BACH2: variants seen among roughly 807,000 people sequenced by gnomAD.
BACH2 encodes the protein transcription regulator protein BACH2.
In BACH2, 5 loss-of-function variants were observed where a neutral mutation model predicts 61.8. That is an observed-to-expected ratio of 0.08 (90% confidence interval 0.04 to 0.17). The LOEUF (loss-of-function observed/expected upper bound fraction) is 0.17, where lower values mean the gene tolerates loss of function less well. Among genes scored for constraint, BACH2 ranks in the 10% least tolerant of loss-of-function variants. The pLI is 1.00. For missense variants in BACH2, 824 were observed against 1,091.1 expected (o/e 0.76, Z 3.45); for synonymous variants, 446 against 440.1 (o/e 1.01, Z -0.17).
At chr6:90,092,717 A>T (rs1451366626) in intron 4 of BACH2, among the ~76,000 whole-genome samples, 1 of 152,194 alleles carries the variant, frequency 6.6e-6, no homozygotes, top group Non-Finnish European at 1.5e-5. Context: ...AAGATGTAAC[A>T]AAAAAAGTAC....
Position 90,029,858 on chromosome 6 carries a change from G to A in BACH2, c.-12-21002C>T, listed in dbSNP as rs534788917. On this transcript the variant is annotated intron_variant, in intron 5 of 8. Coordinates refer to ENST00000257749, the MANE Select transcript of BACH2 (RefSeq NM_021813.4). ...AAACTTACTCCATTCTAAGCAATGC[G>A]ACCGTTAGAGAAAACTAATGATATA... 3.1e-4 allele frequency among the ~76,000 whole-genome samples: 47 copies of A among 152,176 alleles called. No individual in the cohort carries two copies. The South Asian group carries it at 4.2e-3, about 13-fold the overall frequency.
chr6:90,052,953 C>T (rs1443678953), intron 5 of BACH2, among the ~76,000 whole-genome samples: 2 of 151,984 alleles, frequency 1.3e-5, no homozygotes, highest in African/African-American at 4.8e-5. Context: ...ATATTATTTT[C>T]TATTTGTCCT....
At chr6:90,115,731 A>G (rs1783370750) in intron 4 of BACH2, among the ~76,000 whole-genome samples, 1 of 152,144 alleles carries the variant, frequency 6.6e-6, no homozygotes, top group African/African-American at 2.4e-5. Flanking sequence ...GAGTAAACAG[A>G]TAACTTACAG....
At chr6:89,998,692 CTTTTT>C (rs540354097) in intron 6 of BACH2, among the ~76,000 whole-genome samples, 2 of 146,392 alleles carry the variant, frequency 1.4e-5, no homozygotes, top group Non-Finnish European at 3.0e-5. Flanking sequence ...TCTTTTTTCC[CTTTTT>C]TTTTTTAACT....
At chr6:89,933,778 GAGTTT>G (rs1772833122) in intron 8 of BACH2, among the ~76,000 whole-genome samples, 1 of 152,078 alleles carries the variant, frequency 6.6e-6, no homozygotes, top group Non-Finnish European at 1.5e-5. Flanking sequence ...TTGAGCTCAG[GAGTTT>G]GAGACCAGCT....
intron 1 of BACH2, among the ~76,000 whole-genome samples, chr6:90,296,250 T>G (rs539633981): frequency 1.3e-5 from 2 of 151,944 alleles, no homozygotes; most frequent in South Asian, 2.1e-4. Flanking sequence ...AGAGCACACA[T>G]TCGGCGCGGC....
intron 4 of BACH2, among the ~76,000 whole-genome samples, chr6:90,119,141 A>G (rs946293389): frequency 5.3e-5 from 8 of 152,250 alleles, no homozygotes; most frequent in African/African-American, 1.7e-4. Context: ...GCAAGTCTTT[A>G]GGTGGCACTT....
intron 7 of BACH2, among the ~76,000 whole-genome samples, chr6:89,939,411 C>G (rs568144296): frequency 6.6e-6 from 1 of 152,328 alleles, no homozygotes; most frequent in East Asian, 1.9e-4. Context: ...CTCACATTCA[C>G]ATTTCTCATA....
At chr6:89,980,967 G>C (rs1036563733) in intron 6 of BACH2, among the ~76,000 whole-genome samples, 1 of 151,522 alleles carries the variant, frequency 6.6e-6, no homozygotes, top group Non-Finnish European at 1.5e-5. Context: ...TAACCACAAA[G>C]AGACGTTTGA....
intron 4 of BACH2, among the ~76,000 whole-genome samples, chr6:90,166,642 T>C (rs370966065): frequency 1.3e-5 from 2 of 152,036 alleles, no homozygotes; most frequent in African/African-American, 2.4e-5. Context: ...ATAGCAAAGA[T>C]TTGGAACCAA....
rs1400230809 is a variant in BACH2 at position 89,929,429 on chromosome 6, C to T, written c.*2979G>A. 6.6e-6 allele frequency: 1 copy of T among 152,302 alleles called. No homozygotes were observed. The highest frequency in any genetic ancestry group is 1.5e-5 in the Non-Finnish European group (1 of 68,026). 9.4% of individuals were successfully genotyped at this position (152,302 alleles called of 1,614,324 possible). On this transcript the variant is annotated 3_prime_UTR_variant, in exon 9 of 9. Coordinates refer to ENST00000257749, the MANE Select transcript of BACH2 (RefSeq NM_021813.4). ...AACCCAGAAATAATTTTGACAAGCA[C>T]ATAGTTCTGAATAGGAAAAGACACA...
intron 4 of BACH2, among the ~76,000 whole-genome samples, chr6:90,160,678 C>G (rs1785159548): frequency 1.3e-5 from 2 of 152,132 alleles, no homozygotes; most frequent in Non-Finnish European, 2.9e-5. Context: ...CCAAAAAGGC[C>G]ACACTATTTT....
chr6:90,124,975 AT>A (rs111438119), intron 4 of BACH2, among the ~76,000 whole-genome samples: 3,413 of 152,210 alleles, frequency 0.022, 103 homozygotes, highest in African/African-American at 0.07. Context: ...CACTTCATTG[AT>A]TTTTTTCCTT....
At chr6:89,962,393 A>G (rs1383094203) in intron 6 of BACH2, among the ~76,000 whole-genome samples, 3 of 152,192 alleles carry the variant, frequency 2.0e-5, no homozygotes, top group East Asian at 1.9e-4. Flanking sequence ...GTCAGCCCCA[A>G]TGAGCAGCTG....
At chr6:90,012,728 C>T (rs948269239) in intron 5 of BACH2, among the ~76,000 whole-genome samples, 6 of 151,676 alleles carry the variant, frequency 4.0e-5, no homozygotes, top group Admixed American at 6.6e-5. Flanking sequence ...TGCAGTGGTG[C>T]GATCTTGGCT....
intron 5 of BACH2, chr6:90,080,767 G>C (rs977701323): frequency 3.0e-6 from 3 of 985,300 alleles, no homozygotes; most frequent in Non-Finnish European, 3.6e-6. Flanking sequence ...CTGTGTGCCT[G>C]CTCATTATCC....
intron 3 of BACH2, among the ~76,000 whole-genome samples, chr6:90,244,838 G>T (rs1770580392): frequency 6.6e-6 from 1 of 152,142 alleles, no homozygotes; most frequent in African/African-American, 2.4e-5. Flanking sequence ...TCCTTAAGCT[G>T]CTGAAATTAA....
intron 5 of BACH2, among the ~76,000 whole-genome samples, chr6:90,085,262 G>A (rs1781885697): frequency 6.6e-6 from 1 of 152,152 alleles, no homozygotes. Context: ...ATCTGCTGTG[G>A]ATTTCCTCTC....
At chr6:90,087,238 A>G (rs1231838243) in intron 5 of BACH2, among the ~76,000 whole-genome samples, 2 of 152,190 alleles carry the variant, frequency 1.3e-5, no homozygotes, top group Non-Finnish European at 2.9e-5. Flanking sequence ...AGAACTGTAA[A>G]TCCTAAGTGC....
Sources: allele counts gnomAD v4.1 joint callset (sites outside exome capture counted in the v4.1 genomes callset), GRCh38; gene constraint gnomAD v4.1.1; transcripts MANE v1.5; gene names NCBI Gene and HGNC (gene_info 2026-07-23, HGNC 2026-07-21).